The following CYP20A1 variants were observed in gnomAD, a reference collection of about 807,000 sequenced individuals.
The protein encoded by CYP20A1 is cytochrome P450 20A1.
In CYP20A1, 61 loss-of-function variants were observed where a neutral mutation model predicts 61.4. The observed-to-expected ratio is 0.99, with a 90% CI of 0.81 to 1.23. The LOEUF (loss-of-function observed/expected upper bound fraction) is 1.23, where lower values mean the gene tolerates loss of function less well. CYP20A1 is among the 50% of genes most tolerant of loss of function. CYP20A1 has a pLI of 0.00. For missense variants in CYP20A1, 530 were observed against 542.4 expected (o/e 0.98, Z 0.23); for synonymous variants, 193 against 188.2 (o/e 1.03, Z -0.21).
chr2:203,276,211 G>T lies in CYP20A1; in HGVS notation c.680-2362G>T, dbSNP rs370240149. Among the ~76,000 whole-genome samples, 11 of 152,340 alleles carry T rather than the reference G, an allele frequency of 7.2e-5. No individual in the cohort carries two copies. In the South Asian group the frequency reaches 2.3e-3, roughly 32 times the overall value. ...TACAACAGGAAGGCCAGTATGGCTG[G>T]AATGAAGTGAGTGAGAAGAGGAGCA... On this transcript the variant is annotated intron_variant, in intron 6 of 12. Coordinates refer to ENST00000356079, the MANE Select transcript of CYP20A1 (RefSeq NM_177538.3).
chr2:203,294,063 C>T (rs1006222276), intron 11 of CYP20A1, among the ~76,000 whole-genome samples: 1 of 152,058 alleles, frequency 6.6e-6, no homozygotes, highest in Non-Finnish European at 1.5e-5. Flanking sequence ...AGGCTCACTG[C>T]AGCCTCAACC....
intron 5 of CYP20A1, among the ~76,000 whole-genome samples, chr2:203,270,493 T>G (rs1355212282): frequency 6.6e-6 from 1 of 152,074 alleles, no homozygotes; most frequent in Non-Finnish European, 1.5e-5. Context: ...TCTATTTTTG[T>G]GTTGCTTTTT....
intron 4 of CYP20A1, among the ~76,000 whole-genome samples, chr2:203,258,001 A>AGCATCGAATGCCTGGGCTCAAGGGC (rs2066978940): frequency 6.6e-6 from 1 of 152,230 alleles, no homozygotes; most frequent in Non-Finnish European, 1.5e-5. Context: ...TCCTGGGCTG[A>AGCATCGAATGCCTGGGCTCAAGGGC]AGGGATCCTC....
intron 6 of CYP20A1, among the ~76,000 whole-genome samples, chr2:203,273,670 G>A (rs2067699306): frequency 6.6e-6 from 1 of 152,078 alleles, no homozygotes; most frequent in Non-Finnish European, 1.5e-5. Flanking sequence ...TAGGCCCAGT[G>A]CGGTAGCTCA....
intron 9 of CYP20A1, among the ~76,000 whole-genome samples, chr2:203,287,240 GAA>G (rs1212110811): frequency 1.0e-5 from 1 of 97,282 alleles, no homozygotes; most frequent in African/African-American, 3.6e-5. Context: ...AAAAAAAAAA[GAA>G]AAGATAACCA....
At chr2:203,282,499 C>G (rs12470569) in intron 8 of CYP20A1, among the ~76,000 whole-genome samples, 111 of 151,812 alleles carry the variant, frequency 7.3e-4, no homozygotes, top group African/African-American at 2.4e-3. Context: ...GATTTAAAAT[C>G]CTTGTTTTTA....
At chr2:203,257,745 C>T (rs1330251736) in intron 4 of CYP20A1, among the ~76,000 whole-genome samples, 2 of 151,812 alleles carry the variant, frequency 1.3e-5, no homozygotes, top group African/African-American at 4.8e-5. Flanking sequence ...GCTGAGATCG[C>T]TCCACTGCAC....
In CYP20A1 at chr2:203,299,428, TA is replaced by T. The variant is rs201999453; in HGVS notation, c.*2531del. ...AGTGATAAAGTGAGACCCTATCTCT[TA>T]AAAAAAAAAATCCCTTTGTTGTTGA... is the stretch of plus-strand genomic sequence containing the variant. On this transcript the variant is annotated 3_prime_UTR_variant, in exon 13 of 13. Coordinates refer to ENST00000356079, the MANE Select transcript of CYP20A1 (RefSeq NM_177538.3). Among the ~76,000 whole-genome samples, 136 of 147,698 alleles carry T rather than the reference TA, an allele frequency of 9.2e-4. 1 individual carries two copies. Among genetic ancestry groups the T allele is most frequent in the Middle Eastern group, 3.4e-3 (1 of 292 alleles).
chr2:203,259,867 G>T (rs1184258949), intron 4 of CYP20A1: 1 of 145,410 alleles, frequency 6.9e-6, no homozygotes, highest in Non-Finnish European at 1.5e-5. Context: ...AGCTGGTCTC[G>T]AACTCCTGAC....
intron 6 of CYP20A1, among the ~76,000 whole-genome samples, chr2:203,275,629 G>T (rs747771670): frequency 6.6e-6 from 1 of 151,900 alleles, no homozygotes; most frequent in African/African-American, 2.4e-5. Flanking sequence ...TAGTACAGAC[G>T]GGGTTTCACC....
In CYP20A1 at chr2:203,297,792, A is replaced by T. The variant is rs903520748; in HGVS notation, c.*884A>T. ...CAGGAATTCGAGATCAGCCTGGCCA[A>T]CATGGTGAAACCCCATCTCTACTGA... is the stretch of plus-strand genomic sequence containing the variant. On this transcript the variant is annotated 3_prime_UTR_variant, in exon 13 of 13. Transcript: ENST00000356079. 2.0e-5 allele frequency: 3 copies of T among 152,316 alleles called. No individual in the cohort carries two copies. Among genetic ancestry groups the T allele is most frequent in the African/African-American group, 7.2e-5 (3 of 41,448 alleles). 9.4% of individuals were successfully genotyped at this position (152,316 alleles called of 1,614,324 possible).
intron 4 of CYP20A1, chr2:203,259,617 G>C (rs2067052875): frequency 6.6e-6 from 1 of 151,950 alleles, no homozygotes; most frequent in Admixed American, 6.6e-5. Flanking sequence ...GGGCACAGTG[G>C]CTTTTGCCTG....
At chr2:203,287,382 T>C (rs552367569) in intron 9 of CYP20A1, among the ~76,000 whole-genome samples, 2 of 152,146 alleles carry the variant, frequency 1.3e-5, no homozygotes, top group East Asian at 3.9e-4. Context: ...AAGTAGAAGG[T>C]GAGGTTCCTT....
chr2:203,247,483 G>A (rs2066501237), intron 3 of CYP20A1, among the ~76,000 whole-genome samples: 1 of 151,688 alleles, frequency 6.6e-6, no homozygotes, highest in South Asian at 2.1e-4. Context: ...GATTTTTTTG[G>A]GACCCTGAAA....
chr2:203,239,163 C>T (rs1445000904), intron 1 of CYP20A1, 29 bp downstream of exon 1: 1 of 1,584,880 alleles, frequency 6.3e-7, no homozygotes, highest in Admixed American at 1.7e-5. Context: ...CTCTGGGGCC[C>T]CGGGCGCCGC....
chr2:203,271,082 A>ATATATATATATATTT (rs1178482961), intron 5 of CYP20A1, among the ~76,000 whole-genome samples: 1 of 31,632 alleles, frequency 3.2e-5, no homozygotes, highest in African/African-American at 1.0e-4. Context: ...ATATATATAT[A>ATATATATATATATTT]TTTTTTTTTT....
chr2:203,300,110 G>A lies in CYP20A1; in HGVS notation c.*3202G>A, dbSNP rs1260941062. Among the ~76,000 whole-genome samples the A allele has an allele frequency of 2.0e-5, 3 of 152,054 alleles. No individual in the cohort carries two copies. Among genetic ancestry groups the A allele is most frequent in the Non-Finnish European group, 1.5e-5 (1 of 68,018 alleles). On this transcript the variant is annotated 3_prime_UTR_variant, in exon 13 of 13. Coordinates refer to ENST00000356079, the MANE Select transcript of CYP20A1 (RefSeq NM_177538.3). ...TGAGATATGATAAACAATGATGAAA[G>A]CAAAAATAGGGCAGTTGAACCAGAG...
intron 1 of CYP20A1, among the ~76,000 whole-genome samples, chr2:203,242,593 G>C (rs537061222): frequency 3.9e-5 from 6 of 152,130 alleles, no homozygotes; most frequent in African/African-American, 1.2e-4. Context: ...TTTGAGACTA[G>C]ACTGAGCATT....
chr2:203,255,832 G>A (rs548481204), intron 4 of CYP20A1, among the ~76,000 whole-genome samples: 4 of 152,172 alleles, frequency 2.6e-5, no homozygotes, highest in South Asian at 4.1e-4. Context: ...TTCCCATTGC[G>A]TGGAATGCAC....
Sources: gnomAD v4.1 joint callset for allele counts (sites outside exome capture counted in the v4.1 genomes callset) on GRCh38, gnomAD v4.1.1 for gene constraint, MANE v1.5 for transcripts, NCBI Gene and HGNC (gene_info 2026-07-23, HGNC 2026-07-21) for gene names.